The following KCNMA1 variants were observed in gnomAD, a reference collection of about 807,000 sequenced individuals.
KCNMA1 encodes potassium calcium-activated channel subfamily M alpha 1, also known as Calcium-activated potassium channel subunit alpha-1.
Under a neutral mutation model 140.0 loss-of-function variants are expected in KCNMA1, and 29 were observed. The ratio of observed to expected loss-of-function variants is 0.21; its 90% CI spans 0.15 to 0.28. The LOEUF (loss-of-function observed/expected upper bound fraction) is 0.28, where lower values mean the gene tolerates loss of function less well. Ranked by LOEUF, KCNMA1 falls within the 10% of genes least tolerant of loss-of-function variation. KCNMA1 has a pLI of 1.00. For missense variants in KCNMA1, 880 were observed against 1,602.2 expected (o/e 0.55, Z 7.70); for synonymous variants, 612 against 611.9 (o/e 1.00, Z 0.00).
chr10:77,341,076 C>T (rs1374728049), intron 2 of KCNMA1, among the ~76,000 whole-genome samples: 1 of 152,176 alleles, frequency 6.6e-6, no homozygotes, highest in Non-Finnish European at 1.5e-5. Context: ...GGGCTTTGCA[C>T]TCAAATTGAC....
At chr10:77,345,948 T>A (rs2092038988) in intron 2 of KCNMA1, among the ~76,000 whole-genome samples, 1 of 152,160 alleles carries the variant, frequency 6.6e-6, no homozygotes, top group Non-Finnish European at 1.5e-5. Context: ...CCTAGCTCTA[T>A]CCCCTTGAGC....
intron 2 of KCNMA1, among the ~76,000 whole-genome samples, chr10:77,343,489 G>T (rs1434891754): frequency 6.6e-6 from 1 of 152,154 alleles, no homozygotes; most frequent in Non-Finnish European, 1.5e-5. Flanking sequence ...GATAAAGGGG[G>T]TGGCAGAGGG....
chr10:77,637,047 G>A, intron 1 of KCNMA1: 2 of 1,390,820 alleles, frequency 1.4e-6, no homozygotes, highest in South Asian at 1.6e-5. Context: ...TCCGCGTCCC[G>A]GAGCGCACTG....
chr10:77,541,295 A>G (rs756880677), intron 1 of KCNMA1, among the ~76,000 whole-genome samples: 7 of 152,220 alleles, frequency 4.6e-5, no homozygotes, highest in Non-Finnish European at 1.0e-4. Flanking sequence ...AAACATATAG[A>G]AAAGCCTTAT....
At chr10:77,265,523 G>A (rs1262670627) in intron 2 of KCNMA1, among the ~76,000 whole-genome samples, 1 of 152,178 alleles carries the variant, frequency 6.6e-6, no homozygotes, top group East Asian at 1.9e-4. Context: ...GTTTAGGTAT[G>A]TGCCATTTGG....
At position 77,078,611 on chromosome 10, in the gene KCNMA1, C is replaced by T. The variant is rs569317250; in HGVS notation, c.1593+870G>A. On this transcript the variant is annotated intron_variant, in intron 13 of 27. Transcript: ENST00000286628. Reference sequence around the variant, plus strand: ...TGTCCCACATTACACTCTTACAGAGCGCATTATGCACTCACTAGTTCACCT... The same window carrying T: ...TGTCCCACATTACACTCTTACAGAGTGCATTATGCACTCACTAGTTCACCT... Among the ~76,000 whole-genome samples, 14 of 152,186 alleles carry T rather than the reference C, an allele frequency of 9.2e-5. 1 individual carries two copies. The highest frequency in any genetic ancestry group is 5.9e-4 in the Admixed American group (9 of 15,276).
intron 6 of KCNMA1, among the ~76,000 whole-genome samples, chr10:77,112,764 C>T (rs1386771595): frequency 6.6e-6 from 1 of 152,066 alleles, no homozygotes; most frequent in Non-Finnish European, 1.5e-5. Context: ...AACATTTTAC[C>T]ACGGGTGCTT....
intron 3 of KCNMA1, chr10:77,250,195 C>T (rs2059413389): frequency 6.6e-6 from 1 of 152,226 alleles, no homozygotes; most frequent in African/African-American, 2.4e-5. Context: ...TCTGAGCCAA[C>T]AGGCACACCA....
At chr10:76,947,161 C>T (rs901926545) in intron 22 of KCNMA1, among the ~76,000 whole-genome samples, 3 of 138,600 alleles carry the variant, frequency 2.2e-5, no homozygotes, top group Non-Finnish European at 4.7e-5. Context: ...ATGGTGAAAC[C>T]CTGTCTCTAC....
chr10:77,596,147 T>C (rs925421120), intron 1 of KCNMA1, among the ~76,000 whole-genome samples: 4 of 151,810 alleles, frequency 2.6e-5, no homozygotes, highest in African/African-American at 9.7e-5. Context: ...AAATCACGTC[T>C]CACCCATTAG....
Position 77,251,795 on chromosome 10 carries a change from T to G in KCNMA1, c.541-539A>C, listed in dbSNP as rs576810764. Among the ~76,000 whole-genome samples the G allele has an allele frequency of 6.4e-4, 98 of 152,276 alleles. 1 individual carries two copies. The highest frequency in any genetic ancestry group is 2.3e-3 in the African/African-American group (95 of 41,564). On this transcript the variant is annotated intron_variant, in intron 2 of 27. Coordinates refer to ENST00000286628, the MANE Select transcript of KCNMA1 (RefSeq NM_001161352.2). ...ATCCAGTTTCAGAACATTTTCATCATCCCAGTAAGATCCCTCATGCCTGTT... is the reference window on the plus strand; with the variant it reads ...ATCCAGTTTCAGAACATTTTCATCAGCCCAGTAAGATCCCTCATGCCTGTT...
chr10:77,134,436 AAATT>A (rs148185624), intron 5 of KCNMA1, among the ~76,000 whole-genome samples: 2,303 of 152,254 alleles, frequency 0.015, 54 homozygotes, highest in African/African-American at 0.051. Context: ...ATCATTAAAT[AAATT>A]AATTAAATGA....
chr10:77,036,697 A>ATGAAG (rs1471492508), intron 15 of KCNMA1, among the ~76,000 whole-genome samples: 6 of 152,204 alleles, frequency 3.9e-5, no homozygotes, highest in African/African-American at 1.2e-4. Context: ...TTCTTACTGT[A>ATGAAG]ATGAAAATAC....
chr10:76,949,633 G>A (rs1468965827), intron 21 of KCNMA1, among the ~76,000 whole-genome samples: 1 of 152,132 alleles, frequency 6.6e-6, no homozygotes, highest in African/African-American at 2.4e-5. Flanking sequence ...TTTAAGAAAG[G>A]TATGCCATAA....
chr10:77,390,599 T>C (rs1038844167), intron 2 of KCNMA1, among the ~76,000 whole-genome samples: 3 of 152,214 alleles, frequency 2.0e-5, no homozygotes, highest in African/African-American at 7.2e-5. Flanking sequence ...CCCTGAGGCA[T>C]AACACCAGGC....
intron 3 of KCNMA1, among the ~76,000 whole-genome samples, chr10:77,221,260 T>G (rs555576095): frequency 7.2e-5 from 11 of 152,172 alleles, no homozygotes; most frequent in Non-Finnish European, 1.5e-4. Context: ...GGAAATGACC[T>G]TCTAATCACT....
chr10:76,935,815 A>G (rs1472415569), intron 23 of KCNMA1, among the ~76,000 whole-genome samples: 1 of 152,206 alleles, frequency 6.6e-6, no homozygotes, highest in Admixed American at 6.5e-5. Context: ...GAGTGGGGAC[A>G]TGAATCTGCT....
chr10:77,485,340 G>A (rs900479948), intron 1 of KCNMA1, among the ~76,000 whole-genome samples: 1 of 152,230 alleles, frequency 6.6e-6, no homozygotes, highest in Non-Finnish European at 1.5e-5. Context: ...ATAGTTTTGT[G>A]CATCCCACTT....
intron 1 of KCNMA1, among the ~76,000 whole-genome samples, chr10:77,568,517 T>C (rs1355555931): frequency 1.3e-5 from 2 of 151,908 alleles, no homozygotes; most frequent in Non-Finnish European, 2.9e-5. Context: ...AGAAAAGGCC[T>C]TTGACAAAAT....
Sources: gnomAD v4.1 joint callset for allele counts (sites outside exome capture counted in the v4.1 genomes callset) on GRCh38, gnomAD v4.1.1 for gene constraint, MANE v1.5 for transcripts, NCBI Gene and HGNC (gene_info 2026-07-23, HGNC 2026-07-21) for gene names.